The following FGF13 variants were observed in gnomAD, a reference collection of about 807,000 sequenced individuals.
FGF13 encodes the protein fibroblast growth factor homologous factor 2.
In FGF13, 2 loss-of-function variants were observed where a neutral mutation model predicts 19.5. The observed-to-expected ratio is 0.10, with a 90% CI of 0.04 to 0.32. The LOEUF (loss-of-function observed/expected upper bound fraction) is 0.32, where lower values mean the gene tolerates loss of function less well. Ranked by LOEUF, FGF13 falls within the 10% of genes least tolerant of loss-of-function variation. The pLI is 1.00. For missense variants in FGF13, 113 were observed against 192.7 expected (o/e 0.59, Z 2.45); for synonymous variants, 72 against 76.9 (o/e 0.94, Z 0.33).
intron 3 of FGF13, among the ~76,000 whole-genome samples, chrX:138,830,687 T>TTG (rs144759178): frequency 0.085 from 7,413 of 87,369 alleles, 328 homozygotes; most frequent in African/African-American, 0.15. Flanking sequence ...AAAGGGGTGT[T>TTG]TGTGTGTGTG....
chrX:139,060,694 G>T (rs983930541), intron 1 of FGF13, among the ~76,000 whole-genome samples: 12 of 111,325 alleles, frequency 1.1e-4, no homozygotes, highest in African/African-American at 3.9e-4. Context: ...ATATGTGTTG[G>T]TGCTTAATTT....
At chrX:138,776,434 T>A (rs1330218316) in intron 3 of FGF13, among the ~76,000 whole-genome samples, 1 of 112,084 alleles carries the variant, frequency 8.9e-6, no homozygotes, top group East Asian at 2.8e-4. Context: ...TTAACTCACT[T>A]CAATTAACCA....
At chrX:139,049,854 A>G (rs996184176) in intron 1 of FGF13, among the ~76,000 whole-genome samples, 7 of 112,596 alleles carry the variant, frequency 6.2e-5, no homozygotes, top group African/African-American at 1.9e-4. Flanking sequence ...TACCTTTTAA[A>G]TAAGACTGTC....
At chrX:138,707,340 G>A (rs780621557) in intron 2 of FGF13, among the ~76,000 whole-genome samples, 17 of 110,730 alleles carry the variant, frequency 1.5e-4, no homozygotes, top group Non-Finnish European at 2.8e-4. Context: ...ATTTGTACCC[G>A]GAGATGTTAA....
chrX:138,979,927 G>T (rs1425634180), intron 1 of FGF13, among the ~76,000 whole-genome samples: 1 of 111,734 alleles, frequency 8.9e-6, no homozygotes, highest in African/African-American at 3.3e-5. Flanking sequence ...AATGAGGACT[G>T]GTTTCACTAT....
intron 1 of FGF13, among the ~76,000 whole-genome samples, chrX:139,084,874 C>G (rs2083393875): frequency 8.9e-6 from 1 of 111,906 alleles, no homozygotes; most frequent in African/African-American, 3.3e-5. Context: ...GCACTTTGCC[C>G]CAGAACCTAA....
chrX:138,980,675 GTTTTTT>G (rs59636336), intron 1 of FGF13, among the ~76,000 whole-genome samples: 2,672 of 84,678 alleles, frequency 0.032, 47 homozygotes, highest in East Asian at 0.15. Flanking sequence ...CAGAAGTGTG[GTTTTTT>G]TTTTTTTTTT....
At chrX:138,785,452 ACT>A (rs2090684612) in intron 3 of FGF13, among the ~76,000 whole-genome samples, 1 of 110,760 alleles carries the variant, frequency 9.0e-6, no homozygotes, top group Non-Finnish European at 1.9e-5. Flanking sequence ...CCCTTGACTC[ACT>A]CTAATGTAGC....
chrX:138,715,133 C>T (rs1478221134), upstream of FGF13, among the ~76,000 whole-genome samples: 1 of 111,999 alleles, frequency 8.9e-6, no homozygotes, highest in African/African-American at 3.3e-5. Flanking sequence ...CGTGTCCGCT[C>T]TCCCATTGCA....
chrX:138,749,729 C>A (rs1352787007), intron 3 of FGF13, among the ~76,000 whole-genome samples: 4 of 111,273 alleles, frequency 3.6e-5, no homozygotes, highest in Non-Finnish European at 5.7e-5. Flanking sequence ...GAAATGCAGG[C>A]AGTTTGGAAT....
chrX:138,867,245 A>C (rs768485382), intron 1 of FGF13, among the ~76,000 whole-genome samples: 1 of 110,551 alleles, frequency 9.0e-6, no homozygotes, highest in Non-Finnish European at 1.9e-5. Flanking sequence ...ACATCTCTAC[A>C]AAAAAAATTT....
intron 1 of FGF13, among the ~76,000 whole-genome samples, chrX:139,007,014 T>C (rs1363927234): frequency 1.8e-5 from 2 of 111,408 alleles, no homozygotes; most frequent in African/African-American, 6.5e-5. Context: ...ACATTGAATG[T>C]AAATGAACTA....
At chrX:138,898,478 T>C (rs1415577371) in intron 1 of FGF13, among the ~76,000 whole-genome samples, 1 of 112,042 alleles carries the variant, frequency 8.9e-6, no homozygotes, top group Non-Finnish European at 1.9e-5. Flanking sequence ...AACATGTAAG[T>C]GCAAGGACCA....
intron 3 of FGF13, among the ~76,000 whole-genome samples, chrX:138,787,361 A>G (rs1038939747): frequency 9.0e-6 from 1 of 111,664 alleles, no homozygotes; most frequent in African/African-American, 3.3e-5. Flanking sequence ...CAGAGGCTGG[A>G]TGGCTTAAAA....
In FGF13 at chrX:138,957,902, T is replaced by C. The variant is rs2091849171; in HGVS notation, c.-112-93252A>G. On this transcript the variant is annotated intron_variant, in intron 1 of 2. Transcript: ENST00000421460. ...TATTCTGAGACTTTGCTGAAGTTGC[T>C]TATCAGCTTAAGGAGATTTTGTGCT... Among the ~76,000 whole-genome samples, 4 of 112,407 alleles carry C rather than the reference T, an allele frequency of 3.6e-5. No individual in the cohort carries two copies. The South Asian group carries it at 1.5e-3, about 41-fold the overall frequency.
chrX:138,860,567 T>C (rs2091283353), intron 2 of FGF13, among the ~76,000 whole-genome samples: 2 of 112,339 alleles, frequency 1.8e-5, no homozygotes, highest in Admixed American at 9.4e-5. Flanking sequence ...ACTGTTCATC[T>C]GAACCATTTG....
Position 138,622,948 on chromosome X carries a change from C to T in FGF13, c.*9902G>A, listed in dbSNP as rs1211318555. On this transcript the variant is annotated 3_prime_UTR_variant, in exon 5 of 5. Coordinates refer to ENST00000315930, the MANE Select transcript of FGF13 (RefSeq NM_004114.5). ...CTGTTCCATTTGTCTTCTTCAATTA[C>T]TTTCATCAATATTTTATAGTTTTTA... 2 of 112,049 alleles carry T rather than the reference C, an allele frequency of 1.8e-5. No individual in the cohort carries two copies. Among genetic ancestry groups the T allele is most frequent in the East Asian group, 2.8e-4 (1 of 3,567 alleles). 9.2% of individuals were successfully genotyped at this position (112,049 alleles called of 1,213,427 possible). A position where few individuals can be genotyped will look rare whatever the true frequency, so the allele number is the denominator to read the frequency against.
chrX:138,913,182 C>CTTTTT lies in FGF13; in HGVS notation c.-112-48537_-112-48533dup, dbSNP rs35078012. On this transcript the variant is annotated intron_variant, in intron 1 of 2. Transcript: ENST00000421460. ...TGCACCTGGAAAGAAAAAGCATCTA[C>CTTTTT]TTTTTTTTTTTTTTTTTTTTTTTTT... Among the ~76,000 whole-genome samples, 52 of 37,092 alleles carry CTTTTT rather than the reference C, an allele frequency of 1.4e-3. 12 individuals carry two copies. The highest frequency in any genetic ancestry group is 4.9e-3 in the African/African-American group (39 of 8,007). 32.2% of individuals were successfully genotyped at this position (37,092 alleles called of 115,157 possible).
At chrX:139,129,918 C>T (rs903151267) in intron 1 of FGF13, among the ~76,000 whole-genome samples, 1 of 111,734 alleles carries the variant, frequency 8.9e-6, no homozygotes. Flanking sequence ...GCCACTTGTC[C>T]GTCTCAAGCC....
Sources: allele counts gnomAD v4.1 joint callset (sites outside exome capture counted in the v4.1 genomes callset), GRCh38; gene constraint gnomAD v4.1.1; transcripts MANE v1.5; gene names NCBI Gene and HGNC (gene_info 2026-07-23, HGNC 2026-07-21).